Variants in GALNTL6 observed in about 807,000 individuals in gnomAD.
The protein encoded by GALNTL6 is polypeptide N-acetylgalactosaminyltransferase-like 6.
In GALNTL6, 46 loss-of-function variants were observed where a neutral mutation model predicts 73.7. The observed-to-expected ratio is 0.62, with a 90% CI of 0.49 to 0.80. The LOEUF is 0.80. Among genes scored for constraint, GALNTL6 ranks in the 30% least tolerant of loss-of-function variants. The probability of loss-of-function intolerance (pLI) is 0.00; values close to 1 mark genes in which losing one functional copy is unlikely to be tolerated. For synonymous variants in GALNTL6, 259 were observed against 263.7 expected (o/e 0.98, Z 0.17); for missense variants, 604 against 755.0 (o/e 0.80, Z 2.34).
chr4:171,816,791 A>G (rs1734537246), intron 2 of GALNTL6, among the ~76,000 whole-genome samples: 1 of 151,960 alleles, frequency 6.6e-6, no homozygotes. Context: ...TTATTCTATT[A>G]TTTATTATAA....
intron 2 of GALNTL6, among the ~76,000 whole-genome samples, chr4:172,133,653 C>T (rs996840520): frequency 3.3e-5 from 5 of 152,194 alleles, no homozygotes; most frequent in African/African-American, 1.2e-4. Flanking sequence ...AAGTGTACAG[C>T]ACGGGTGACC....
intron 5 of GALNTL6, among the ~76,000 whole-genome samples, chr4:172,707,095 T>A (rs1180714299): frequency 1.3e-5 from 2 of 152,166 alleles, no homozygotes; most frequent in Non-Finnish European, 2.9e-5. Flanking sequence ...CTTTTCCACA[T>A]GTTGCCTGGC....
intron 2 of GALNTL6, among the ~76,000 whole-genome samples, chr4:171,877,457 C>T (rs920862068): frequency 9.2e-5 from 14 of 152,104 alleles, no homozygotes; most frequent in African/African-American, 2.7e-4. Flanking sequence ...AGCATGAATC[C>T]GAGATCATGA....
intron 5 of GALNTL6, among the ~76,000 whole-genome samples, chr4:172,677,330 T>C (rs1445263578): frequency 1.3e-5 from 2 of 152,216 alleles, no homozygotes; most frequent in African/African-American, 4.8e-5. Context: ...AATTCGGCAC[T>C]GCTTGATTTG....
intron 12 of GALNTL6, among the ~76,000 whole-genome samples, chr4:173,029,447 C>A (rs1388195985): frequency 6.6e-6 from 1 of 152,236 alleles, no homozygotes; most frequent in Non-Finnish European, 1.5e-5. Flanking sequence ...TGGACACTCA[C>A]CCCTAAAGTA....
rs1734409192 is a variant in GALNTL6 at position 172,508,532 on chromosome 4, A to T, written c.553+159843A>T. 3.7e-5 allele frequency among the ~76,000 whole-genome samples: 2 copies of T among 53,488 alleles called. 1 individual carries two copies. 35.1% of individuals were successfully genotyped at this position (53,488 alleles called of 152,430 possible). ...CCATCAACTGAGCAGTGTACACTGTACCCACTGTACCCAGCAATTATCTTT... is the reference window on the plus strand; with the variant it reads ...CCATCAACTGAGCAGTGTACACTGTTCCCACTGTACCCAGCAATTATCTTT... On this transcript the variant is annotated intron_variant, in intron 5 of 12. Transcript: ENST00000506823.
chr4:172,851,224 C>T (rs1197944367), intron 7 of GALNTL6, among the ~76,000 whole-genome samples: 1 of 152,036 alleles, frequency 6.6e-6, no homozygotes, highest in African/African-American at 2.4e-5. Context: ...GTCAGATGCT[C>T]CTGTTCCTCA....
At chr4:172,535,168 G>T (rs1009762851) in intron 5 of GALNTL6, among the ~76,000 whole-genome samples, 13 of 152,116 alleles carry the variant, frequency 8.5e-5, no homozygotes, top group African/African-American at 3.1e-4. Context: ...AAGGTTAATA[G>T]ACCTGAAACA....
At chr4:172,946,190 C>A (rs913808140) in intron 9 of GALNTL6, among the ~76,000 whole-genome samples, 1 of 151,584 alleles carries the variant, frequency 6.6e-6, no homozygotes, top group Non-Finnish European at 1.5e-5. Flanking sequence ...CACCATAATA[C>A]AATAGCTTAA....
chr4:172,373,677 C>T (rs1742910450), intron 5 of GALNTL6, among the ~76,000 whole-genome samples: 1 of 152,100 alleles, frequency 6.6e-6, no homozygotes. Flanking sequence ...GGTAACTTGT[C>T]CCCTATATTC....
At chr4:172,000,465 C>T (rs188826615) in intron 2 of GALNTL6, among the ~76,000 whole-genome samples, 1 of 152,136 alleles carries the variant, frequency 6.6e-6, no homozygotes, top group Admixed American at 6.5e-5. Flanking sequence ...TTAAGCATTG[C>T]CTTTGGTACA....
intron 2 of GALNTL6, among the ~76,000 whole-genome samples, chr4:172,077,645 T>C (rs1044098178): frequency 9.2e-5 from 14 of 152,124 alleles, no homozygotes; most frequent in Non-Finnish European, 1.8e-4. Flanking sequence ...GAACTTATAT[T>C]TAAAAGGGAA....
At chr4:171,989,015 T>G (rs933290195) in intron 2 of GALNTL6, among the ~76,000 whole-genome samples, 1 of 151,930 alleles carries the variant, frequency 6.6e-6, no homozygotes, top group African/African-American at 2.4e-5. Context: ...ATAAGGGAAC[T>G]GGGCAGGTGG....
intron 2 of GALNTL6, among the ~76,000 whole-genome samples, chr4:172,103,975 G>A (rs1253377765): frequency 1.4e-5 from 2 of 144,978 alleles, no homozygotes; most frequent in South Asian, 2.2e-4. Flanking sequence ...GACCAGTCTC[G>A]CTCTTTTGCC....
At chr4:172,900,856 A>C (rs1297661428) in intron 8 of GALNTL6, among the ~76,000 whole-genome samples, 2 of 152,206 alleles carry the variant, frequency 1.3e-5, no homozygotes, top group Admixed American at 6.5e-5. Flanking sequence ...GCTATTGAAA[A>C]TCTGGAGAGT....
chr4:172,543,286 C>T (rs1429655263), intron 5 of GALNTL6, among the ~76,000 whole-genome samples: 4 of 152,182 alleles, frequency 2.6e-5, no homozygotes, highest in Non-Finnish European at 5.9e-5. Flanking sequence ...CTTGACAGCA[C>T]AATTTGTCAC....
chr4:172,823,215 G>A (rs376610433), intron 7 of GALNTL6, among the ~76,000 whole-genome samples: 3 of 152,182 alleles, frequency 2.0e-5, no homozygotes, highest in Non-Finnish European at 4.4e-5. Flanking sequence ...TGCAGACAGG[G>A]ATATAGGCCC....
intron 3 of GALNTL6, among the ~76,000 whole-genome samples, chr4:172,308,186 G>C (rs893151253): frequency 6.7e-6 from 1 of 150,094 alleles, no homozygotes; most frequent in African/African-American, 2.4e-5. Flanking sequence ...CTGTTTACTG[G>C]TAAATGAATT....
At chr4:172,875,233 G>T (rs979542846) in intron 7 of GALNTL6, among the ~76,000 whole-genome samples, 4 of 152,174 alleles carry the variant, frequency 2.6e-5, no homozygotes, top group Admixed American at 2.6e-4. Flanking sequence ...GGGTGAGTTT[G>T]CATTGAGATT....
Sources: gnomAD v4.1 joint callset for allele counts (sites outside exome capture counted in the v4.1 genomes callset) on GRCh38, gnomAD v4.1.1 for gene constraint, MANE v1.5 for transcripts, NCBI Gene and HGNC (gene_info 2026-07-23, HGNC 2026-07-21) for gene names.